Variants in INTS2 observed in about 807,000 individuals in gnomAD.
The protein encoded by INTS2 is KIAA1287.
INTS2 carries 57 observed loss-of-function variants against 139.6 expected under a neutral mutation model. The observed-to-expected ratio is 0.41, with a 90% confidence interval of 0.33 to 0.51. The LOEUF (loss-of-function observed/expected upper bound fraction) is 0.51, where lower values mean the gene tolerates loss of function less well. Among genes scored for constraint, INTS2 ranks in the 20% least tolerant of loss-of-function variants. INTS2 has a pLI of 0.28. For synonymous variants in INTS2, 473 were observed against 493.4 expected (o/e 0.96, Z 0.55); for missense variants, 1,196 against 1,436.7 (o/e 0.83, Z 2.71).
chr17:61,897,158 T>A lies in INTS2; in HGVS notation c.1494+311A>T, dbSNP rs1327722508. Among the ~76,000 whole-genome samples the A allele has an allele frequency of 3.3e-5, 5 of 152,298 alleles. No homozygotes were observed. The highest frequency in any genetic ancestry group is 4.1e-4 in the South Asian group (2 of 4,832). ...AATGCTCATCATATATTAATTTTTT[T>A]AAATCATCAAATATGTACGTCACTT... On this transcript the variant is annotated intron_variant, in intron 11 of 24. Transcript: ENST00000251334. This position sits in a 1 kb window ranked among gnomAD's most constrained non-coding sequence, Gnocchi z 4.4.
At position 61,867,981 on chromosome 17, in the gene INTS2, A is replaced by T. The variant is rs746989028; in HGVS notation, c.3273T>A (p.Phe1091Leu). 1 of 1,603,162 alleles carries T rather than the reference A, an allele frequency of 6.2e-7. No individual in the cohort carries two copies. The highest frequency in any genetic ancestry group is 1.1e-5 in the South Asian group (1 of 88,668). The stretch of plus-strand genomic sequence containing the variant: ...CCAAACTTGGCAGAGTTGGCATAAA[A>T]AAAGCATACCGCTTAGCCTGTGTTA... Reference protein sequence around the residue: ...TVLTQAKRYAFFMPTLPSLVS... With the variant: ...TVLTQAKRYALFMPTLPSLVS... The change falls in exon 24 of 25, where the codon TTT becomes TTA. Residue 1091 changes from phenylalanine to leucine, a missense_variant. Phe to Leu is a conservative substitution (Grantham distance 22). Around this residue, in one of 3 missense-constraint regions of INTS2, gnomAD observed 1,129 missense variants for 1,341.9 expected, o/e 0.84. Transcript: ENST00000251334. This position sits in a 1 kb window ranked among gnomAD's most constrained non-coding sequence, Gnocchi z 5.6.
intron 2 of INTS2, among the ~76,000 whole-genome samples, chr17:61,925,445 C>T (rs1343045916): frequency 1.3e-5 from 2 of 151,790 alleles, no homozygotes; most frequent in Admixed American, 1.3e-4. Flanking sequence ...GGCATGGTGG[C>T]GCGTGCCTGT....
intron 2 of INTS2, 48 bp downstream of exon 2, chr17:61,926,304 C>T (rs763240500): frequency 5.6e-6 from 8 of 1,422,660 alleles, no homozygotes; most frequent in African/African-American, 1.4e-5. Context: ...ATCTGATTCC[C>T]TGTTCTTTGT....
intron 8 of INTS2, among the ~76,000 whole-genome samples, chr17:61,905,982 C>G (rs1476104331): frequency 6.6e-6 from 1 of 152,216 alleles, no homozygotes; most frequent in Non-Finnish European, 1.5e-5. Flanking sequence ...CAGGCGTGAG[C>G]CACCGCGCCT....
At chr17:61,905,196 C>T (rs1310865546) in intron 8 of INTS2, among the ~76,000 whole-genome samples, 1 of 152,026 alleles carries the variant, frequency 6.6e-6, no homozygotes, top group East Asian at 1.9e-4. Flanking sequence ...CTCCCTTGGT[C>T]TCCTAAAATG....
intron 17 of INTS2, among the ~76,000 whole-genome samples, chr17:61,879,897 T>C: frequency 6.6e-6 from 1 of 152,290 alleles, no homozygotes; most frequent in Non-Finnish European, 1.5e-5. Flanking sequence ...AAATGATTAT[T>C]TAAATTAGTG....
chr17:61,872,938 A>G lies in INTS2; in HGVS notation c.2583-478T>C, dbSNP rs564844960. 4.6e-5 allele frequency among the ~76,000 whole-genome samples: 7 copies of G among 152,334 alleles called. No individual in the cohort carries two copies. In the South Asian group the frequency reaches 1.4e-3, roughly 32 times the overall value. The stretch of plus-strand genomic sequence containing the variant: ...ATTTTCACCTATCAAATTGGAAAAC[A>G]TTATATCAAATAGTGCAGGAAAGTA... On this transcript the variant is annotated intron_variant, in intron 19 of 24. Coordinates refer to ENST00000251334, the MANE Select transcript of INTS2 (RefSeq NM_001351695.2). The surrounding 1 kb of genome is among the most constrained non-coding windows in gnomAD (Gnocchi z 4.8).
chr17:61,883,351 TAA>T (rs879779014), intron 16 of INTS2, among the ~76,000 whole-genome samples: 2 of 135,530 alleles, frequency 1.5e-5, no homozygotes, highest in Admixed American at 1.5e-4. Context: ...CATCTCTACT[TAA>T]AAAAAAAAAA....
intron 11 of INTS2, 81 bp from the exon 12 acceptor site, chr17:61,895,464 T>C: frequency 1.3e-6 from 1 of 754,602 alleles, no homozygotes; most frequent in African/African-American, 1.8e-5. Flanking sequence ...CTAAAATGGC[T>C]ATGATACACA....
intron 8 of INTS2, among the ~76,000 whole-genome samples, chr17:61,907,107 T>G (rs1260056129): frequency 6.6e-6 from 1 of 152,114 alleles, no homozygotes. Flanking sequence ...GATCATTCAC[T>G]ATAGTTTTGT....
At position 61,909,704 on chromosome 17, in the gene INTS2, C is replaced by T. The variant is rs544373802; in HGVS notation, c.954+1816G>A. Among the ~76,000 whole-genome samples, 3 of 152,154 alleles carry T rather than the reference C, an allele frequency of 2.0e-5. No individual in the cohort carries two copies. In the South Asian group the frequency reaches 6.2e-4, roughly 32 times the overall value. On this transcript the variant is annotated intron_variant, in intron 7 of 24. Coordinates refer to ENST00000251334, the MANE Select transcript of INTS2 (RefSeq NM_001351695.2). The surrounding 1 kb of genome is among the most constrained non-coding windows in gnomAD (Gnocchi z 4.9). ...TTATTTCACTTAATATAATGGCCTC[C>T]AGTTCCATCCATGTTACTGTCAGAC...
intron 5 of INTS2, among the ~76,000 whole-genome samples, chr17:61,914,456 T>C (rs986380792): frequency 6.6e-6 from 1 of 152,014 alleles, no homozygotes; most frequent in Admixed American, 6.6e-5. Context: ...TCCCAGCACT[T>C]TGGGAGGCCA....
In INTS2 at chr17:61,875,957, C is replaced by G. The variant is rs1220168781; in HGVS notation, c.2457-919G>C. Reference sequence around the variant, plus strand: ...GCTGAGGCAGAAGGTTCGCTTGAGCCCAGGAGTTCAAGACTAGCCTGGGCA... The same window carrying G: ...GCTGAGGCAGAAGGTTCGCTTGAGCGCAGGAGTTCAAGACTAGCCTGGGCA... On this transcript the variant is annotated intron_variant, in intron 18 of 24. Coordinates refer to ENST00000251334, the MANE Select transcript of INTS2 (RefSeq NM_001351695.2). This position sits in a 1 kb window ranked among gnomAD's most constrained non-coding sequence, Gnocchi z 4.6. 2.0e-5 allele frequency among the ~76,000 whole-genome samples: 3 copies of G among 151,960 alleles called. No individual in the cohort carries two copies. Among genetic ancestry groups the G allele is most frequent in the Non-Finnish European group, 2.9e-5 (2 of 67,998 alleles).
In INTS2 at chr17:61,867,619, G is replaced by C. The variant is rs541329984; in HGVS notation, c.3529C>G (p.Leu1177Val). ...ACTGTTCTTTCAATACAGTGACAGAGCTGTACATCAGGATCCATGCTTCCA... is the reference window on the plus strand; with the variant it reads ...ACTGTTCTTTCAATACAGTGACAGACCTGTACATCAGGATCCATGCTTCCA... ...DTGSMDPDVQ[L>V]CHCIERTVIE... The change falls in exon 25 of 25, where the codon CTC becomes GTC. Residue 1177 changes from leucine (L) to valine (V), a missense_variant. Around this residue, in one of 3 missense-constraint regions of INTS2, gnomAD observed 1,129 missense variants for 1,341.9 expected, o/e 0.84. Transcript: ENST00000251334. The surrounding 1 kb of genome is among the most constrained non-coding windows in gnomAD (Gnocchi z 5.6). 34 of 1,611,036 alleles carry C rather than the reference G, an allele frequency of 2.1e-5. No homozygotes were observed. In the Admixed American group the frequency reaches 3.8e-4, roughly 18 times the overall value.
At chr17:61,926,796 G>A in intron 1 of INTS2, 134 bp from the exon 2 acceptor site, 1 of 729,588 alleles carries the variant, frequency 1.4e-6, no homozygotes, top group East Asian at 2.7e-5. Flanking sequence ...GCACAATCAA[G>A]ACAAGGCTTC....
At chr17:61,925,191 G>T in intron 2 of INTS2, 92 bp from the exon 3 acceptor site, 1 of 1,222,414 alleles carries the variant, frequency 8.2e-7, no homozygotes, top group Non-Finnish European at 1.2e-6. Context: ...AGCTATAAAA[G>T]GATGTATAAA....
At chr17:61,898,038 C>T (rs529710646) in intron 9 of INTS2, among the ~76,000 whole-genome samples, 21 of 152,016 alleles carry the variant, frequency 1.4e-4, no homozygotes, top group Non-Finnish European at 2.9e-4. Flanking sequence ...ACAAAGGCCC[C>T]TTGGGATTAA....
intron 5 of INTS2, among the ~76,000 whole-genome samples, chr17:61,913,743 G>T (rs1249231896): frequency 6.6e-6 from 1 of 151,926 alleles, no homozygotes; most frequent in African/African-American, 2.4e-5. Context: ...CAAAAAATAA[G>T]GAAAATTCTT....
At position 61,915,082 on chromosome 17, in the gene INTS2, T is replaced by C. The variant is rs181925609; in HGVS notation, c.650-3012A>G. On this transcript the variant is annotated intron_variant, in intron 5 of 24. Coordinates refer to ENST00000251334, the MANE Select transcript of INTS2 (RefSeq NM_001351695.2). Reference sequence around the variant, plus strand: ...AGCCGGGCGCGGTGGCTCACGCCTATAATCCCAGCACTTTGGGAGGCCAAG... The same window carrying C: ...AGCCGGGCGCGGTGGCTCACGCCTACAATCCCAGCACTTTGGGAGGCCAAG... Among the ~76,000 whole-genome samples, 204 of 151,482 alleles carry C rather than the reference T, an allele frequency of 1.3e-3. 1 individual carries two copies. Among genetic ancestry groups the C allele is most frequent in the African/African-American group, 4.5e-3 (185 of 41,358 alleles).
Sources: gnomAD v4.1 joint callset for allele counts (sites outside exome capture counted in the v4.1 genomes callset) on GRCh38, gnomAD v4.1.1 for gene constraint, gnomAD v4.1.1 regional missense constraint, Gnocchi (gnomAD v3.1) non-coding constraint, MANE v1.5 for transcripts, NCBI Gene and HGNC (gene_info 2026-07-23, HGNC 2026-07-21) for gene names.